The following LRRC63 variants were observed in gnomAD, a reference collection of about 807,000 sequenced individuals.
LRRC63 encodes the protein leucine-rich repeat-containing protein 63.
LRRC63 carries 40 observed loss-of-function variants against 49.5 expected under a neutral mutation model. That is an observed-to-expected ratio of 0.81 (90% CI 0.63 to 1.05). LRRC63 has a LOEUF of 1.05. LRRC63 is among the 50% of genes least tolerant of loss of function. The pLI is 0.00. For synonymous variants in LRRC63, 191 were observed against 221.1 expected (o/e 0.86, Z 1.21); for missense variants, 636 against 663.1 (o/e 0.96, Z 0.45).
chr13:46,257,926 C>T (rs1566507610), intron 7 of LRRC63, among the ~76,000 whole-genome samples: 1 of 150,914 alleles, frequency 6.6e-6, no homozygotes. Flanking sequence ...TATTTTTTTT[C>T]CCAGATATAT....
chr13:46,224,386 C>A (rs1361828749), intron 2 of LRRC63, among the ~76,000 whole-genome samples: 1 of 151,976 alleles, frequency 6.6e-6, no homozygotes, highest in Non-Finnish European at 1.5e-5. Context: ...TCAATTAATT[C>A]TTCAGCTCCA....
chr13:46,246,650 A>G (rs1197487823), intron 6 of LRRC63, 25 bp downstream of exon 6: 1 of 1,013,836 alleles, frequency 9.9e-7, no homozygotes, highest in South Asian at 2.6e-5. Context: ...ATTGTTATGT[A>G]CTGATATAAC....
chr13:46,257,262 C>T (rs2138558787), intron 7 of LRRC63, among the ~76,000 whole-genome samples: 1 of 152,336 alleles, frequency 6.6e-6, no homozygotes, highest in South Asian at 2.1e-4. Context: ...ATTCTGCCAA[C>T]AGCCTGCATG....
intron 7 of LRRC63, among the ~76,000 whole-genome samples, chr13:46,261,600 C>A (rs1004807810): frequency 2.0e-5 from 3 of 151,988 alleles, no homozygotes; most frequent in African/African-American, 7.3e-5. Context: ...TTTAAGCCAC[C>A]CAGATTATGG....
intron 8 of LRRC63, among the ~76,000 whole-genome samples, chr13:46,264,503 T>C (rs1255973680): frequency 6.6e-6 from 1 of 152,182 alleles, no homozygotes; most frequent in Non-Finnish European, 1.5e-5. Context: ...TGGATCCCCA[T>C]GAAGATCATG....
At chr13:46,274,153 A>T (rs2047799263) in intron 9 of LRRC63, among the ~76,000 whole-genome samples, 1 of 152,120 alleles carries the variant, frequency 6.6e-6, no homozygotes, top group African/African-American at 2.4e-5. Flanking sequence ...GATTGATCCA[A>T]AGTAATAAGT....
rs896872245 is a variant in LRRC63 at position 46,232,106 on chromosome 13, C to T, written c.833-2086C>T. 5.8e-4 allele frequency among the ~76,000 whole-genome samples: 88 copies of T among 152,092 alleles called. 1 individual carries two copies. The highest frequency in any genetic ancestry group is 1.0e-4 in the Non-Finnish European group (7 of 68,008). On this transcript the variant is annotated intron_variant, in intron 4 of 9. Coordinates refer to ENST00000595396, the Ensembl canonical transcript of LRRC63. Reference sequence around the variant, plus strand: ...CTGGGATTACAGGCGTGAGCCACTGCGCCCGGCCTGCCACACACTTTTAAA... The same window carrying T: ...CTGGGATTACAGGCGTGAGCCACTGTGCCCGGCCTGCCACACACTTTTAAA...
chr13:46,261,038 C>G (rs1467085752), intron 7 of LRRC63, among the ~76,000 whole-genome samples: 1 of 152,102 alleles, frequency 6.6e-6, no homozygotes, highest in Non-Finnish European at 1.5e-5. Flanking sequence ...GATACTGAGC[C>G]CTTCAATTCC....
chr13:46,269,634 CTT>C (rs2138589519), intron 9 of LRRC63, among the ~76,000 whole-genome samples: 2 of 151,550 alleles, frequency 1.3e-5, no homozygotes, highest in African/African-American at 4.9e-5. Flanking sequence ...GCAGACATAT[CTT>C]AACTGCAAAG....
intron 2 of LRRC63, among the ~76,000 whole-genome samples, chr13:46,220,360 G>C (rs1161774919): frequency 6.6e-6 from 1 of 152,214 alleles, no homozygotes; most frequent in African/African-American, 2.4e-5. Flanking sequence ...CTGAGCTGCA[G>C]TGGGCTCCAC....
intron 9 of LRRC63, among the ~76,000 whole-genome samples, chr13:46,268,032 G>C (rs2047705793): frequency 1.3e-5 from 2 of 152,200 alleles, no homozygotes; most frequent in South Asian, 4.2e-4. Context: ...ATGAATATTA[G>C]CTCACAGCTT....
At chr13:46,270,608 A>T (rs761329341) in intron 9 of LRRC63, 2 of 843,690 alleles carry the variant, frequency 2.4e-6, no homozygotes, top group East Asian at 5.0e-5. Flanking sequence ...TAATGCCACA[A>T]CAGTGACGTC....
In LRRC63 at chr13:46,269,975, G is replaced by A. The variant is rs189328450; in HGVS notation, c.1550+3003G>A. 2.1e-5 allele frequency: 6 copies of A among 281,760 alleles called. No homozygotes were observed. In the East Asian group the frequency reaches 3.9e-4, roughly 18 times the overall value. 17.5% of individuals were successfully genotyped at this position (281,760 alleles called of 1,614,324 possible). A position where few individuals can be genotyped will look rare whatever the true frequency, so the allele number is the denominator to read the frequency against. ...ATTCCAAGACCTCCAGTGGATGCCC[G>A]AAACCATGGGTAGCACTGAACCTTA... On this transcript the variant is annotated intron_variant, in intron 9 of 9. Transcript: ENST00000595396.
chr13:46,242,774 C>A (rs2146893), intron 5 of LRRC63, among the ~76,000 whole-genome samples: 1,985 of 142,368 alleles, frequency 0.014, 49 homozygotes, highest in African/African-American at 0.049. Context: ...AAAAAAAAAA[C>A]AAAAAACCTC....
intron 4 of LRRC63, among the ~76,000 whole-genome samples, 159 bp from the exon 5 acceptor site, chr13:46,234,033 G>A (rs1181853052): frequency 6.6e-6 from 1 of 152,184 alleles, no homozygotes; most frequent in Non-Finnish European, 1.5e-5. Context: ...AACTAACTGA[G>A]TTTGGGTAGA....
chr13:46,272,894 T>C (rs1484942961), intron 9 of LRRC63, among the ~76,000 whole-genome samples: 3 of 152,188 alleles, frequency 2.0e-5, no homozygotes, highest in Non-Finnish European at 4.4e-5. Context: ...TCCATTTCTG[T>C]AAGAAACAGT....
At chr13:46,235,207 G>A (rs184926012) in intron 5 of LRRC63, among the ~76,000 whole-genome samples, 2 of 152,218 alleles carry the variant, frequency 1.3e-5, no homozygotes, top group East Asian at 1.9e-4. Context: ...GCACAGAGTC[G>A]ATCTGAAAAG....
chr13:46,233,796 A>T (rs1233969784), intron 4 of LRRC63, among the ~76,000 whole-genome samples: 1 of 152,232 alleles, frequency 6.6e-6, no homozygotes, highest in Non-Finnish European at 1.5e-5. Flanking sequence ...TGATGTCTTC[A>T]TGAGGTATTC....
chr13:46,232,647 T>C (rs1149877), intron 4 of LRRC63, among the ~76,000 whole-genome samples: 1 of 151,678 alleles, frequency 6.6e-6, no homozygotes, highest in Non-Finnish European at 1.5e-5. Flanking sequence ...GAGAGAAAGA[T>C]AGAGAGAGAA....
Sources: allele counts gnomAD v4.1 joint callset (sites outside exome capture counted in the v4.1 genomes callset), GRCh38; gene constraint gnomAD v4.1.1; transcripts MANE v1.5; gene names NCBI Gene and HGNC (gene_info 2026-07-23, HGNC 2026-07-21).